Variants in PBX3 observed in about 807,000 individuals in gnomAD.
PBX3 encodes the protein PBX homeobox 3.
PBX3 carries 14 observed loss-of-function variants against 48.5 expected under a neutral mutation model. That is an observed-to-expected ratio of 0.29 (90% CI 0.19 to 0.45). PBX3 has a LOEUF of 0.45. Ranked by LOEUF, PBX3 falls within the 20% of genes least tolerant of loss-of-function variation. The pLI is 1.00. For synonymous variants in PBX3, 210 were observed against 200.3 expected, an observed-to-expected ratio of 1.05 and a Z score of -0.41; for missense variants, 386 against 546.7, an observed-to-expected ratio of 0.71 and a Z score of 2.93.
intron 2 of PBX3, among the ~76,000 whole-genome samples, chr9:125,829,478 G>A (rs1838897757): frequency 6.6e-6 from 1 of 152,116 alleles, no homozygotes; most frequent in Non-Finnish European, 1.5e-5. Flanking sequence ...AATATTAGGT[G>A]AGTAATCTCA....
intron 2 of PBX3, among the ~76,000 whole-genome samples, chr9:125,827,061 C>CT (rs1838828716): frequency 6.6e-6 from 1 of 152,150 alleles, no homozygotes; most frequent in Non-Finnish European, 1.5e-5. Flanking sequence ...TCTGTGGTGT[C>CT]TGTCACTCTA....
At chr9:125,919,581 CAG>C (rs1034706096) in intron 3 of PBX3, among the ~76,000 whole-genome samples, 1 of 151,988 alleles carries the variant, frequency 6.6e-6, no homozygotes, top group African/African-American at 2.4e-5. Context: ...CTCTGAGTGA[CAG>C]AAAGCTTAAT....
chr9:125,879,573 T>C (rs1840335043), intron 2 of PBX3, among the ~76,000 whole-genome samples: 1 of 152,194 alleles, frequency 6.6e-6, no homozygotes, highest in Non-Finnish European at 1.5e-5. Context: ...AATATAGGGC[T>C]GACTTCAGGA....
At chr9:125,887,988 A>G (rs1295644713) in intron 2 of PBX3, among the ~76,000 whole-genome samples, 1 of 152,194 alleles carries the variant, frequency 6.6e-6, no homozygotes, top group Non-Finnish European at 1.5e-5. Flanking sequence ...AATCAGTTAT[A>G]TCATGTAAAG....
rs528312750 is a variant in PBX3 at position 125,750,928 on chromosome 9, C to T, written c.274+2305C>T. 2.6e-5 allele frequency among the ~76,000 whole-genome samples: 4 copies of T among 152,266 alleles called. No individual in the cohort carries two copies. In the South Asian group the frequency reaches 8.3e-4, roughly 32 times the overall value. The stretch of plus-strand genomic sequence containing the variant: ...AACTAGTCTTAGAATGAGACAGGGA[C>T]TCAGAATCCTCAATTCGAAATAAAA... On this transcript the variant is annotated intron_variant, in intron 2 of 8. Transcript: ENST00000373489.
At chr9:125,947,948 C>CATA (rs1842100159) in intron 5 of PBX3, among the ~76,000 whole-genome samples, 1 of 152,146 alleles carries the variant, frequency 6.6e-6, no homozygotes, top group Admixed American at 6.5e-5. Flanking sequence ...AATTCAAAAT[C>CATA]ATTATAAGAG....
intron 2 of PBX3, among the ~76,000 whole-genome samples, chr9:125,760,041 A>G (rs1424366730): frequency 1.3e-5 from 2 of 152,298 alleles, no homozygotes; most frequent in East Asian, 1.9e-4. Flanking sequence ...GGATCCTGCC[A>G]TTTACAAATC....
intron 4 of PBX3, among the ~76,000 whole-genome samples, chr9:125,935,112 G>T (rs1002811257): frequency 6.6e-6 from 1 of 152,082 alleles, no homozygotes; most frequent in Non-Finnish European, 1.5e-5. Flanking sequence ...CTTTAGACAA[G>T]ATATTTCTGT....
At chr9:125,816,776 A>G (rs866425841) in intron 2 of PBX3, among the ~76,000 whole-genome samples, 5 of 152,304 alleles carry the variant, frequency 3.3e-5, no homozygotes, top group South Asian at 2.1e-4. Flanking sequence ...TATACACAGA[A>G]CATTTCAACA....
In PBX3 at chr9:125,966,465, T is replaced by C. The variant is rs1368929807; in HGVS notation, c.*542T>C. 6.5e-6 allele frequency: 1 copy of C among 152,716 alleles called. No individual in the cohort carries two copies. The highest frequency in any genetic ancestry group is 1.5e-5 in the Non-Finnish European group (1 of 68,074). The allele number at this position is 152,716 out of a possible 1,614,324, so 9.5% of individuals were successfully genotyped here. A position where few individuals can be genotyped will look rare whatever the true frequency, so the allele number is the denominator to read the frequency against. ...GTCACGTTTGTGTTCAGATCTCTTA[T>C]GTTATAATTAGATCAGAGACTGGTA... is the stretch of plus-strand genomic sequence containing the variant. On this transcript the variant is annotated 3_prime_UTR_variant, in exon 9 of 9. Transcript: ENST00000373489.
chr9:125,783,012 G>A (rs1837363034), intron 2 of PBX3, among the ~76,000 whole-genome samples: 1 of 152,048 alleles, frequency 6.6e-6, no homozygotes, highest in Non-Finnish European at 1.5e-5. Flanking sequence ...TGATTATAAT[G>A]TGTCTCAATG....
At chr9:125,748,889 G>A in intron 2 of PBX3, 1 of 333,260 alleles carries the variant, frequency 3.0e-6, no homozygotes, top group East Asian at 4.9e-5. Flanking sequence ...GGCGGGGAGG[G>A]GGCCCGGAGC....
intron 2 of PBX3, among the ~76,000 whole-genome samples, chr9:125,859,117 C>T (rs150374912): frequency 9.9e-5 from 15 of 152,144 alleles, no homozygotes; most frequent in Middle Eastern, 3.4e-3. Flanking sequence ...GTAGGAGAAA[C>T]GATAGTATAG....
chr9:125,780,663 C>T (rs1211733464), intron 2 of PBX3, among the ~76,000 whole-genome samples: 2 of 137,038 alleles, frequency 1.5e-5, no homozygotes, highest in Non-Finnish European at 3.2e-5. Flanking sequence ...ACCTCCCTCC[C>T]GGATGGGGCG....
At chr9:125,860,473 T>C (rs1839834253) in intron 2 of PBX3, among the ~76,000 whole-genome samples, 1 of 152,184 alleles carries the variant, frequency 6.6e-6, no homozygotes, top group Admixed American at 6.5e-5. Context: ...CTGCAGTGAT[T>C]GTATTTGGAT....
chr9:125,954,783 C>A (rs547578442), intron 5 of PBX3, among the ~76,000 whole-genome samples: 3 of 152,160 alleles, frequency 2.0e-5, no homozygotes, highest in Non-Finnish European at 4.4e-5. Context: ...GTGATCCGCC[C>A]GCCTCGGCCT....
chr9:125,966,286 A>G lies in PBX3; in HGVS notation c.*363A>G, dbSNP rs1356804934. The G allele has an allele frequency of 6.3e-6, 1 of 158,258 alleles. No homozygotes were observed. The highest frequency in any genetic ancestry group is 1.4e-5 in the Non-Finnish European group (1 of 71,738). 9.8% of individuals were successfully genotyped at this position (158,258 alleles called of 1,614,324 possible). ...AATATACACTAAACCTCAACCGTTA[A>G]AGCAGATGCAAAAATTCACCTCACC... On this transcript the variant is annotated 3_prime_UTR_variant, in exon 9 of 9. Coordinates refer to ENST00000373489, the MANE Select transcript of PBX3 (RefSeq NM_006195.6).
chr9:125,808,567 G>A (rs1838196963), intron 2 of PBX3, among the ~76,000 whole-genome samples: 1 of 152,166 alleles, frequency 6.6e-6, no homozygotes, highest in African/African-American at 2.4e-5. Context: ...GCAATAGGCT[G>A]AGATGGGAGA....
intron 2 of PBX3, among the ~76,000 whole-genome samples, chr9:125,787,057 C>G (rs1315495903): frequency 6.6e-6 from 1 of 150,956 alleles, no homozygotes; most frequent in East Asian, 1.9e-4. Context: ...TTTATTTTTT[C>G]GAGACAGGGT....
Sources: allele counts gnomAD v4.1 joint callset (sites outside exome capture counted in the v4.1 genomes callset), GRCh38; gene constraint gnomAD v4.1.1; transcripts MANE v1.5; gene names NCBI Gene and HGNC (gene_info 2026-07-23, HGNC 2026-07-21).